Variants in CORIN observed in about 807,000 individuals in gnomAD.
CORIN encodes corin, serine peptidase.
A neutral mutation model predicts 125.3 loss-of-function variants in CORIN; 117 were observed. The ratio of observed to expected loss-of-function variants is 0.93; its 90% confidence interval spans 0.80 to 1.09. The LOEUF is 1.09. Among genes scored for constraint, CORIN ranks in the 50% least tolerant of loss-of-function variants. CORIN has a pLI of 0.00. For synonymous variants in CORIN, 450 were observed against 466.4 expected, an observed-to-expected ratio of 0.96 and a Z score of 0.45; for missense variants, 1,253 against 1,306.7, an observed-to-expected ratio of 0.96 and a Z score of 0.63.
chr4:47,673,220 A>T (rs1724849050), intron 10 of CORIN, among the ~76,000 whole-genome samples: 1 of 114,528 alleles, frequency 8.7e-6, no homozygotes, highest in African/African-American at 3.8e-5. Context: ...ATAAATAAAT[A>T]AATAAATTAG....
intron 5 of CORIN, among the ~76,000 whole-genome samples, chr4:47,702,291 A>G (rs1247422228): frequency 6.6e-6 from 1 of 152,218 alleles, no homozygotes; most frequent in Non-Finnish European, 1.5e-5. Flanking sequence ...TGGTTTCTAT[A>G]AAAGAGTTAA....
intron 12 of CORIN, among the ~76,000 whole-genome samples, chr4:47,659,819 A>T: frequency 6.6e-6 from 1 of 152,252 alleles, no homozygotes; most frequent in African/African-American, 2.4e-5. Context: ...AATCCCAATG[A>T]CATTCTTCAC....
intron 19 of CORIN, among the ~76,000 whole-genome samples, chr4:47,610,723 G>T (rs879402446): frequency 6.6e-6 from 1 of 151,898 alleles, no homozygotes; most frequent in Non-Finnish European, 1.5e-5. Flanking sequence ...TTGTAGTTTC[G>T]GGTTTTACAT....
intron 10 of CORIN, among the ~76,000 whole-genome samples, chr4:47,668,288 C>G (rs1724569775): frequency 6.6e-6 from 1 of 152,184 alleles, no homozygotes; most frequent in Non-Finnish European, 1.5e-5. Flanking sequence ...AGAAAAAGTT[C>G]AACATCTCTC....
At chr4:47,651,013 T>C (rs2109637308) in intron 13 of CORIN, among the ~76,000 whole-genome samples, 1 of 152,350 alleles carries the variant, frequency 6.6e-6, no homozygotes, top group South Asian at 2.1e-4. Flanking sequence ...AGAACAGTAT[T>C]ACTGATTGCT....
chr4:47,620,068 T>C (rs1268658356), intron 19 of CORIN, among the ~76,000 whole-genome samples: 4 of 152,178 alleles, frequency 2.6e-5, no homozygotes, highest in Admixed American at 2.6e-4. Flanking sequence ...TAACTGGATA[T>C]ACACATTTCC....
intron 5 of CORIN, among the ~76,000 whole-genome samples, chr4:47,734,203 A>G (rs962768458): frequency 2.0e-5 from 3 of 152,214 alleles, no homozygotes; most frequent in Non-Finnish European, 4.4e-5. Context: ...AAGCAAATTG[A>G]ACTAACAGCT....
rs138988356 is a variant in CORIN, at chr4:47,661,873, G to A, written c.1590-17C>T. The A allele has an allele frequency of 4.5e-6, 7 of 1,571,688 alleles. No homozygotes were observed. The highest frequency in any genetic ancestry group is 6.1e-6 in the Non-Finnish European group (7 of 1,156,592). ...CACAATGCCCTAGATGAACAAGAAA[G>A]ACAAAACATTAGAAGCAGAAATAGC... On this transcript the variant is annotated splice_polypyrimidine_tract_variant and intron_variant, in intron 11 of 21. Coordinates refer to ENST00000273857, the MANE Select transcript of CORIN (RefSeq NM_006587.4).
intron 1 of CORIN, among the ~76,000 whole-genome samples, chr4:47,829,950 A>G (rs551791978): frequency 6.6e-6 from 1 of 152,202 alleles, no homozygotes; most frequent in Admixed American, 6.5e-5. Flanking sequence ...AATCTCAGCA[A>G]CCTAATACCA....
At chr4:47,712,146 A>C (rs1726872743) in intron 5 of CORIN, among the ~76,000 whole-genome samples, 1 of 152,210 alleles carries the variant, frequency 6.6e-6, no homozygotes, top group Non-Finnish European at 1.5e-5. Flanking sequence ...ATGAGCTTTC[A>C]ATCAATTTGA....
At chr4:47,756,782 A>T (rs1729167228) in intron 4 of CORIN, among the ~76,000 whole-genome samples, 1 of 152,202 alleles carries the variant, frequency 6.6e-6, no homozygotes, top group South Asian at 2.1e-4. Flanking sequence ...AGGAGCATGG[A>T]ATATCTCTGC....
At position 47,666,499 on chromosome 4, in the gene CORIN, T is replaced by A. The variant is rs543742733; in HGVS notation, c.1358-1236A>T. 4.8e-4 allele frequency among the ~76,000 whole-genome samples: 73 copies of A among 152,208 alleles called. 1 individual carries two copies. Among genetic ancestry groups the A allele is most frequent in the Non-Finnish European group, 9.0e-4 (61 of 68,032 alleles). On this transcript the variant is annotated intron_variant, in intron 10 of 21. Coordinates refer to ENST00000273857, the MANE Select transcript of CORIN (RefSeq NM_006587.4). ...GCACGCGCTGGTAGCTGTAGTAGAA[T>A]GTGAACAGGGTAGGATAGAGTTTGC...
intron 16 of CORIN, among the ~76,000 whole-genome samples, chr4:47,632,832 T>G (rs1355651093): frequency 1.3e-5 from 2 of 151,640 alleles, no homozygotes; most frequent in Admixed American, 1.3e-4. Context: ...CAGGCTGGAG[T>G]GCAGTGGCGT....
At position 47,782,411 on chromosome 4, in the gene CORIN, G is replaced by GA. The variant is rs777237378; in HGVS notation, c.409+4313dup. ...AGAAAAAAAAAAAAAAAGAAAGAAA[G>GA]AAAAAAAGACAAGAAACAGACAAAT... On this transcript the variant is annotated intron_variant, in intron 3 of 21. Coordinates refer to ENST00000273857, the MANE Select transcript of CORIN (RefSeq NM_006587.4). 1.7e-3 allele frequency among the ~76,000 whole-genome samples: 259 copies of GA among 148,200 alleles called. 2 individuals are homozygous for GA. The highest frequency in any genetic ancestry group is 3.3e-3 in the Non-Finnish European group (218 of 66,912).
At chr4:47,656,630 G>C (rs2351789) in intron 12 of CORIN, among the ~76,000 whole-genome samples, 150,032 of 152,270 alleles carry the variant, frequency 0.99, 73,927 homozygotes, top group East Asian at 1. Flanking sequence ...AAGGAACATA[G>C]CTCAGCAAAA....
intron 19 of CORIN, among the ~76,000 whole-genome samples, chr4:47,618,241 G>A (rs1322651073): frequency 4.6e-5 from 7 of 151,644 alleles, no homozygotes; most frequent in African/African-American, 7.3e-5. Context: ...GGCTGAGGCA[G>A]GAGAATGGCT....
intron 1 of CORIN, among the ~76,000 whole-genome samples, chr4:47,807,843 A>G (rs1177231687): frequency 6.6e-6 from 1 of 152,224 alleles, no homozygotes; most frequent in African/African-American, 2.4e-5. Context: ...AACATCTGAG[A>G]TGGTACTAAA....
intron 16 of CORIN, among the ~76,000 whole-genome samples, chr4:47,633,536 T>C (rs1000203770): frequency 1.3e-5 from 2 of 152,220 alleles, no homozygotes; most frequent in Non-Finnish European, 2.9e-5. Context: ...TGAGCAGAAG[T>C]GTCTACCTCT....
intron 3 of CORIN, among the ~76,000 whole-genome samples, chr4:47,771,010 C>T (rs1039693571): frequency 2.6e-5 from 4 of 152,010 alleles, no homozygotes; most frequent in Middle Eastern, 6.8e-3. Context: ...TTGAAAATTG[C>T]TAAGAAAGTA....
Sources: gnomAD v4.1 joint callset for allele counts (sites outside exome capture counted in the v4.1 genomes callset) on GRCh38, gnomAD v4.1.1 for gene constraint, MANE v1.5 for transcripts, NCBI Gene and HGNC (gene_info 2026-07-23, HGNC 2026-07-21) for gene names.